PAPOLA: variants seen among roughly 807,000 people sequenced by gnomAD.
The protein encoded by PAPOLA is poly(A) polymerase alpha.
In PAPOLA, 15 loss-of-function variants were observed where a neutral mutation model predicts 100.6. That is an observed-to-expected ratio of 0.15 (90% CI 0.10 to 0.23). PAPOLA has a LOEUF of 0.23. Among genes scored for constraint, PAPOLA ranks in the 10% least tolerant of loss-of-function variants. PAPOLA has a pLI of 1.00. For synonymous variants in PAPOLA, 293 were observed against 300.0 expected, an observed-to-expected ratio of 0.98 and a Z score of 0.24; for missense variants, 533 against 884.2, an observed-to-expected ratio of 0.60 and a Z score of 5.04.
chr14:96,533,179 T>G, intron 9 of PAPOLA: 1 of 984,300 alleles, frequency 1.0e-6, no homozygotes, highest in East Asian at 1.1e-4. Context: ...CAGATTTTTT[T>G]AAGTTTCTTC....
At chr14:96,561,819 CAA>C (rs1277581281) in intron 20 of PAPOLA, among the ~76,000 whole-genome samples, 2 of 147,782 alleles carry the variant, frequency 1.4e-5, no homozygotes, top group African/African-American at 5.0e-5. Context: ...TAGGAGAAAA[CAA>C]TATTTCGTTT....
chr14:96,531,382 A>T, intron 6 of PAPOLA, 93 bp from the exon 7 acceptor site: 1 of 947,762 alleles, frequency 1.1e-6, no homozygotes, highest in Non-Finnish European at 1.6e-6. Context: ...TCAGCCTCCC[A>T]GAGTGCTGGG....
intron 18 of PAPOLA, 25 bp from the exon 19 acceptor site, chr14:96,556,150 A>C (rs766310834): frequency 6.5e-7 from 1 of 1,539,314 alleles, no homozygotes; most frequent in Non-Finnish European, 9.0e-7. Context: ...TTTAATTTGT[A>C]TATACTCATA....
At chr14:96,554,486 G>A (rs111549995) in intron 17 of PAPOLA, among the ~76,000 whole-genome samples, 299 of 152,278 alleles carry the variant, frequency 2.0e-3, no homozygotes, top group Non-Finnish European at 3.0e-3. Context: ...CTGCTCCGTG[G>A]TTCCCTGTGG....
chr14:96,526,761 G>GTGC (rs1156351301), intron 4 of PAPOLA: 1 of 152,374 alleles, frequency 6.6e-6, no homozygotes. Flanking sequence ...TATATCCTGT[G>GTGC]TGCTGTACAC....
intron 1 of PAPOLA, among the ~76,000 whole-genome samples, chr14:96,507,916 C>A (rs768183735): frequency 3.3e-5 from 5 of 152,108 alleles, no homozygotes; most frequent in African/African-American, 7.2e-5. Context: ...TGCTCTGTTG[C>A]CCAGGCTGGA....
intron 1 of PAPOLA, among the ~76,000 whole-genome samples, chr14:96,504,067 A>G (rs1421873139): frequency 2.0e-5 from 3 of 152,220 alleles, no homozygotes; most frequent in Non-Finnish European, 4.4e-5. Context: ...AAGAGACCCT[A>G]GGAGAACTGA....
intron 20 of PAPOLA, among the ~76,000 whole-genome samples, chr14:96,561,136 G>A (rs1901807306): frequency 6.6e-6 from 1 of 152,162 alleles, no homozygotes; most frequent in East Asian, 1.9e-4. Flanking sequence ...GTCTCTTTGG[G>A]TTGAGAATTT....
chr14:96,556,777 C>T (rs1271280594), intron 19 of PAPOLA, among the ~76,000 whole-genome samples: 8 of 151,986 alleles, frequency 5.3e-5, no homozygotes, highest in Admixed American at 5.2e-4. Context: ...CAGTTTTTTG[C>T]TTCTGTGATC....
intron 16 of PAPOLA, among the ~76,000 whole-genome samples, chr14:96,551,696 C>T (rs939992299): frequency 5.3e-5 from 8 of 152,030 alleles, no homozygotes; most frequent in Non-Finnish European, 8.8e-5. Flanking sequence ...TACAGTAGTA[C>T]CAAATAGCGA....
chr14:96,502,584 C>A lies in PAPOLA; in HGVS notation c.-9C>A. On this transcript the variant is annotated 5_prime_UTR_variant, in exon 1 of 22. Coordinates refer to ENST00000216277, the MANE Select transcript of PAPOLA (RefSeq NM_032632.5). ...GGGAAGTGACTGGGCGGTGCCGGCG[C>A]CGGAGACGATGCCGTTGTAAGTAAT... is the stretch of plus-strand genomic sequence containing the variant. 6.4e-7 allele frequency: 1 copy of A among 1,564,946 alleles called. No individual in the cohort carries two copies. The highest frequency in any genetic ancestry group is 1.8e-5 in the Admixed American group (1 of 54,188).
chr14:96,504,069 G>A (rs1896538348), intron 1 of PAPOLA, among the ~76,000 whole-genome samples: 1 of 152,154 alleles, frequency 6.6e-6, no homozygotes, highest in South Asian at 2.1e-4. Flanking sequence ...GAGACCCTAG[G>A]AGAACTGAGT....
intron 10 of PAPOLA, chr14:96,535,425 T>G: frequency 1.0e-6 from 1 of 984,052 alleles, no homozygotes; most frequent in Non-Finnish European, 1.2e-6. Flanking sequence ...TAATGTAGTT[T>G]CACCGCGTGT....
Position 96,542,771 on chromosome 14 carries a change from C to A in PAPOLA, c.1170-3C>A. 6.3e-7 allele frequency: 1 copy of A among 1,594,598 alleles called. No homozygotes were observed. The highest frequency in any genetic ancestry group is 1.2e-5 in the South Asian group (1 of 86,582). ...TTGTTAATACTAAGTGACATTTGTT[C>A]AGGGTGGGCTTGGTGGAATCAAAAA... On this transcript the variant is annotated splice_polypyrimidine_tract_variant and splice_region_variant and intron_variant, in intron 13 of 21. Transcript: ENST00000216277.
intron 6 of PAPOLA, among the ~76,000 whole-genome samples, chr14:96,529,996 A>T (rs1898854475): frequency 6.6e-6 from 1 of 152,232 alleles, no homozygotes; most frequent in Non-Finnish European, 1.5e-5. Context: ...ATACTGTAGT[A>T]TTACAGACAT....
intron 1 of PAPOLA, 178 bp downstream of exon 1, chr14:96,502,778 C>G: frequency 1.7e-6 from 1 of 587,252 alleles, no homozygotes; most frequent in South Asian, 3.3e-5. Flanking sequence ...CACTTCCCCC[C>G]GTGTGCTGGG....
intron 12 of PAPOLA, among the ~76,000 whole-genome samples, chr14:96,539,604 T>C (rs974800737): frequency 6.6e-6 from 1 of 152,156 alleles, no homozygotes; most frequent in Non-Finnish European, 1.5e-5. Context: ...TTTTTAAATT[T>C]GGGGAAAAGG....
intron 1 of PAPOLA, among the ~76,000 whole-genome samples, chr14:96,503,151 G>C (rs935897823): frequency 2.6e-5 from 4 of 152,194 alleles, no homozygotes; most frequent in Non-Finnish European, 5.9e-5. Context: ...CTGAATGTAG[G>C]AGCACGAGTT....
intron 16 of PAPOLA, among the ~76,000 whole-genome samples, chr14:96,551,022 A>G (rs1900807234): frequency 6.6e-6 from 1 of 152,174 alleles, no homozygotes; most frequent in Non-Finnish European, 1.5e-5. Flanking sequence ...TCTGACTGCA[A>G]AGTATGTGTG....
Sources: gnomAD v4.1 joint callset for allele counts (sites outside exome capture counted in the v4.1 genomes callset) on GRCh38, gnomAD v4.1.1 for gene constraint, MANE v1.5 for transcripts, NCBI Gene and HGNC (gene_info 2026-07-23, HGNC 2026-07-21) for gene names.